The following CR1 variants were observed in gnomAD, a reference collection of about 807,000 sequenced individuals.
CR1 encodes the protein complement receptor type 1.
A neutral mutation model predicts 187.3 loss-of-function variants in CR1; 116 were observed. The ratio of observed to expected loss-of-function variants is 0.62; its 90% confidence interval spans 0.53 to 0.72. The LOEUF (loss-of-function observed/expected upper bound fraction) is 0.72. Among genes scored for constraint, CR1 ranks in the 30% least tolerant of loss-of-function variants. The pLI, the probability that CR1 is intolerant of heterozygous loss-of-function variation, is 0.00. For synonymous variants in CR1, 576 were observed against 747.1 expected (o/e 0.77, Z 3.73); for missense variants, 1,731 against 2,110.7 (o/e 0.82, Z 3.52).
intron 41 of CR1, among the ~76,000 whole-genome samples, chr1:207,617,507 A>ATATATATGTGTGTGTG (rs1332301171): frequency 4.3e-5 from 2 of 47,030 alleles, no homozygotes; most frequent in Admixed American, 3.0e-4. Context: ...ATATATATAT[A>ATATATATGTGTGTGTG]TGTGTGTGTG....
At position 207,575,487 on chromosome 1, in the gene CR1, C is replaced by G; in HGVS notation, c.4452-108C>G. ...AACAATAGGTAAAGTTTAGGCTAGGCCTTAGACTTCTCCTGCATTGTAATC... is the reference window on the plus strand; with the variant it reads ...AACAATAGGTAAAGTTTAGGCTAGGGCTTAGACTTCTCCTGCATTGTAATC... On this transcript the variant is annotated intron_variant, in intron 27 of 46. Coordinates refer to ENST00000367049, the MANE Select transcript of CR1 (RefSeq NM_000651.6). 4.4e-6 allele frequency: 6 copies of G among 1,375,496 alleles called. No homozygotes were observed. The South Asian group carries it at 5.8e-5, about 13-fold the overall frequency. 85.2% of individuals were successfully genotyped at this position (1,375,496 alleles called of 1,614,324 possible). A position where few individuals can be genotyped will look rare whatever the true frequency, so the allele number is the denominator to read the frequency against.
intron 5 of CR1, among the ~76,000 whole-genome samples, chr1:207,524,854 G>A (rs1660119189): frequency 1.3e-5 from 2 of 151,860 alleles, no homozygotes; most frequent in South Asian, 4.1e-4. Context: ...TTCAAGGAGG[G>A]AGGGATTTCA....
At chr1:207,599,122 A>G (rs1370333459) in intron 35 of CR1, 2 of 152,256 alleles carry the variant, frequency 1.3e-5, no homozygotes, top group Non-Finnish European at 2.9e-5. Context: ...ACCGAGAGAA[A>G]GTTAAGAGCA....
Position 207,584,674 on chromosome 1 carries a change from T to A in CR1, c.5328T>A (p.Ala1776=). 1.2e-6 allele frequency: 2 copies of A among 1,613,710 alleles called. No individual in the cohort carries two copies. The highest frequency in any genetic ancestry group is 1.7e-6 in the Non-Finnish European group (2 of 1,179,652). ...ATATCTTTTGTCCAAATCCTCCAGCTATCCTTAATGGGAGACACACAGGAA... is the reference window on the plus strand; with the variant it reads ...ATATCTTTTGTCCAAATCCTCCAGCAATCCTTAATGGGAGACACACAGGAA... ...CEHIFCPNPP[A]ILNGRHTGTP... Residue 1776 remains alanine, a synonymous_variant, in exon 33 of 47, where the codon GCT becomes GCA. Transcript: ENST00000367049.
At chr1:207,572,415 C>G (rs1231133698) in intron 27 of CR1, among the ~76,000 whole-genome samples, 2 of 151,634 alleles carry the variant, frequency 1.3e-5, no homozygotes, top group Non-Finnish European at 2.9e-5. Flanking sequence ...TGAGGCAAGA[C>G]CCTCCACCAA....
At chr1:207,514,277 G>C (rs925578140) in intron 4 of CR1, among the ~76,000 whole-genome samples, 5 of 152,220 alleles carry the variant, frequency 3.3e-5, no homozygotes, top group African/African-American at 1.2e-4. Context: ...TATAATTCAT[G>C]TATCATAAAA....
At chr1:207,580,486 C>CTTTTTTTT in intron 30 of CR1, 25 bp from the exon 31 acceptor site, 5 of 1,378,392 alleles carry the variant, frequency 3.6e-6, no homozygotes, top group Non-Finnish European at 4.0e-6. Context: ...CCTATTTTTT[C>CTTTTTTTT]TTTTTTTTTT....
At chr1:207,514,664 G>A (rs1255231255) in intron 4 of CR1, among the ~76,000 whole-genome samples, 1 of 152,024 alleles carries the variant, frequency 6.6e-6, no homozygotes, top group Non-Finnish European at 1.5e-5. Flanking sequence ...AAGACATTGG[G>A]CAACCAGCAC....
At chr1:207,637,534 A>C (rs1179122482) in intron 46 of CR1, among the ~76,000 whole-genome samples, 1 of 152,268 alleles carries the variant, frequency 6.6e-6, no homozygotes, top group Admixed American at 6.5e-5. Flanking sequence ...CCCGCTTACC[A>C]TGTGATAAGT....
At chr1:207,633,407 T>C (rs1317742730) in intron 46 of CR1, among the ~76,000 whole-genome samples, 1 of 152,250 alleles carries the variant, frequency 6.6e-6, no homozygotes, top group Admixed American at 6.5e-5. Flanking sequence ...CATATACACC[T>C]TGAGATTATA....
At chr1:207,615,902 G>T (rs1424551480) in intron 40 of CR1, among the ~76,000 whole-genome samples, 2 of 152,152 alleles carry the variant, frequency 1.3e-5, no homozygotes, top group Non-Finnish European at 2.9e-5. Context: ...TGATAAATTT[G>T]GGTATCTCTT....
chr1:207,592,410 A>G (rs1177247324), intron 35 of CR1, among the ~76,000 whole-genome samples: 1 of 152,140 alleles, frequency 6.6e-6, no homozygotes, highest in African/African-American at 2.4e-5. Flanking sequence ...CATGCTAAAA[A>G]CTCTCAATAA....
chr1:207,521,586 C>T (rs1462271498), intron 4 of CR1, among the ~76,000 whole-genome samples: 1 of 143,000 alleles, frequency 7.0e-6, no homozygotes, highest in African/African-American at 2.5e-5. Flanking sequence ...TTTACTTTTA[C>T]AATTCTAGAC....
chr1:207,576,391 G>A (rs1008109543), intron 28 of CR1, among the ~76,000 whole-genome samples: 1 of 152,178 alleles, frequency 6.6e-6, no homozygotes, highest in Non-Finnish European at 1.5e-5. Flanking sequence ...GGGTGGTATG[G>A]CTGTAAATCA....
chr1:207,593,212 A>G (rs1274832794), intron 35 of CR1, among the ~76,000 whole-genome samples: 2 of 152,198 alleles, frequency 1.3e-5, no homozygotes, highest in Admixed American at 6.5e-5. Flanking sequence ...AAACTATACT[A>G]TAAGGCTACA....
chr1:207,593,937 A>G (rs1661352775), intron 35 of CR1, among the ~76,000 whole-genome samples: 1 of 152,226 alleles, frequency 6.6e-6, no homozygotes, highest in Non-Finnish European at 1.5e-5. Context: ...GGCAATCACT[A>G]AAAAGTCAGG....
intron 24 of CR1, 75 bp downstream of exon 24, chr1:207,565,998 A>C: frequency 5.8e-6 from 9 of 1,553,478 alleles, no homozygotes; most frequent in Non-Finnish European, 7.9e-6. Context: ...GGCCTCCCTC[A>C]ATGTGATTCT....
chr1:207,502,761 G>A (rs1369412768), intron 1 of CR1, among the ~76,000 whole-genome samples: 2 of 152,220 alleles, frequency 1.3e-5, no homozygotes, highest in Non-Finnish European at 2.9e-5. Context: ...TCAGTAGAAA[G>A]CACAGAGTTA....
At chr1:207,587,805 C>T (rs1661157043) in intron 34 of CR1, among the ~76,000 whole-genome samples, 1 of 152,216 alleles carries the variant, frequency 6.6e-6, no homozygotes, top group African/African-American at 2.4e-5. Context: ...AGCAAGATGT[C>T]TATATTTGCC....
Sources: allele counts gnomAD v4.1 joint callset (sites outside exome capture counted in the v4.1 genomes callset), GRCh38; gene constraint gnomAD v4.1.1; transcripts MANE v1.5; gene names NCBI Gene and HGNC (gene_info 2026-07-23, HGNC 2026-07-21).